The following ARNT2 variants were observed in gnomAD, a reference collection of about 807,000 sequenced individuals.
ARNT2 encodes aryl hydrocarbon receptor nuclear translocator 2.
A neutral mutation model predicts 91.7 loss-of-function variants in ARNT2; 36 were observed. The observed-to-expected ratio is 0.39, with a 90% CI of 0.30 to 0.52. ARNT2 has a LOEUF of 0.52. Ranked by LOEUF, ARNT2 falls within the 20% of genes least tolerant of loss-of-function variation. The probability of loss-of-function intolerance (pLI) is 0.72; values close to 1 mark genes in which losing one functional copy is unlikely to be tolerated. For synonymous variants in ARNT2, 365 were observed against 347.1 expected, an observed-to-expected ratio of 1.05 and a Z score of -0.57; for missense variants, 775 against 939.3, an observed-to-expected ratio of 0.83 and a Z score of 2.29.
intron 3 of ARNT2, among the ~76,000 whole-genome samples, chr15:80,467,755 C>A (rs1320803904): frequency 2.0e-5 from 3 of 152,146 alleles, no homozygotes; most frequent in African/African-American, 7.2e-5. Context: ...GGGGCTCACC[C>A]TCCTCTGAGA....
intron 4 of ARNT2, among the ~76,000 whole-genome samples, chr15:80,472,214 A>G (rs1481144206): frequency 6.6e-6 from 1 of 152,190 alleles, no homozygotes; most frequent in Non-Finnish European, 1.5e-5. Flanking sequence ...GGAGGATTTA[A>G]CAAGACACAG....
chr15:80,571,573 G>A (rs1369675655), intron 12 of ARNT2, among the ~76,000 whole-genome samples: 2 of 152,220 alleles, frequency 1.3e-5, no homozygotes, highest in African/African-American at 2.4e-5. Flanking sequence ...TCCTGGTTAA[G>A]TTTGGCCAGT....
At chr15:80,467,078 G>A (rs571264105) in intron 3 of ARNT2, among the ~76,000 whole-genome samples, 1 of 152,350 alleles carries the variant, frequency 6.6e-6, no homozygotes, top group South Asian at 2.1e-4. Context: ...TGAAGCAGTG[G>A]TCACAGTGAC....
chr15:80,428,853 G>A (rs765680626), intron 1 of ARNT2, among the ~76,000 whole-genome samples: 4 of 152,156 alleles, frequency 2.6e-5, no homozygotes, highest in East Asian at 1.9e-4. Flanking sequence ...ATAATTTTGC[G>A]ATGTGTAATG....
chr15:80,405,358 A>T (rs1895583836), intron 1 of ARNT2, among the ~76,000 whole-genome samples: 2 of 152,132 alleles, frequency 1.3e-5, no homozygotes, highest in South Asian at 2.1e-4. Context: ...GCTAGTACAA[A>T]CTTTTGGGTG....
At chr15:80,415,691 C>T (rs1895770825) in intron 1 of ARNT2, among the ~76,000 whole-genome samples, 1 of 152,092 alleles carries the variant, frequency 6.6e-6, no homozygotes, top group Non-Finnish European at 1.5e-5. Context: ...CTTTCAGATA[C>T]TTAGGAGGAG....
Position 80,440,654 on chromosome 15 carries a change from C to T in ARNT2, c.32-10226C>T, listed in dbSNP as rs544368326. 4.6e-5 allele frequency among the ~76,000 whole-genome samples: 7 copies of T among 152,260 alleles called. No homozygotes were observed. The South Asian group carries it at 8.3e-4, about 18-fold the overall frequency. ...CTGCCTTGGGACTGGTTTCAATTCC[C>T]TAATGCCAAAACCTGCCTGCCTACT... On this transcript the variant is annotated intron_variant, in intron 1 of 18. Transcript: ENST00000303329.
At chr15:80,561,933 T>C (rs1396213936) in intron 11 of ARNT2, among the ~76,000 whole-genome samples, 1 of 152,192 alleles carries the variant, frequency 6.6e-6, no homozygotes, top group Non-Finnish European at 1.5e-5. Context: ...TTATAAACTT[T>C]ATCATAGGTG....
At chr15:80,563,297 G>A in intron 12 of ARNT2, 58 bp downstream of exon 12, 1 of 1,599,310 alleles carries the variant, frequency 6.3e-7, no homozygotes, top group Non-Finnish European at 8.6e-7. Context: ...TGGGTCCAGA[G>A]CTGGCAATTT....
At chr15:80,479,598 C>A (rs1389666421) in intron 5 of ARNT2, among the ~76,000 whole-genome samples, 1 of 152,182 alleles carries the variant, frequency 6.6e-6, no homozygotes, top group Non-Finnish European at 1.5e-5. Context: ...CAGGAAGTTT[C>A]TAAGGCTCCT....
intron 1 of ARNT2, among the ~76,000 whole-genome samples, chr15:80,423,064 G>C (rs954411561): frequency 6.6e-6 from 1 of 152,130 alleles, no homozygotes; most frequent in African/African-American, 2.4e-5. Context: ...GCATATTTCA[G>C]CTCTGTCACT....
chr15:80,521,878 G>A (rs1049040558), intron 8 of ARNT2, among the ~76,000 whole-genome samples: 3 of 152,066 alleles, frequency 2.0e-5, no homozygotes, highest in Non-Finnish European at 2.9e-5. Context: ...TTAGGATAAT[G>A]ATCCAAGTCC....
chr15:80,588,234 A>G (rs1490300215), intron 17 of ARNT2, among the ~76,000 whole-genome samples: 1 of 152,124 alleles, frequency 6.6e-6, no homozygotes. Context: ...ACAGTCAGTA[A>G]TCAATCAACA....
chr15:80,540,711 A>G (rs1390779711), intron 8 of ARNT2, among the ~76,000 whole-genome samples: 1 of 151,868 alleles, frequency 6.6e-6, no homozygotes, highest in Non-Finnish European at 1.5e-5. Flanking sequence ...TGAGTACCCA[A>G]TGTTTAGTTC....
chr15:80,486,803 A>G (rs1896981900), intron 5 of ARNT2, among the ~76,000 whole-genome samples: 1 of 152,196 alleles, frequency 6.6e-6, no homozygotes, highest in Non-Finnish European at 1.5e-5. Flanking sequence ...CAGCAGAGGT[A>G]CAGCCCTAGG....
intron 5 of ARNT2, among the ~76,000 whole-genome samples, chr15:80,487,063 C>G (rs372176255): frequency 1.3e-5 from 2 of 152,236 alleles, no homozygotes; most frequent in East Asian, 1.9e-4. Flanking sequence ...CCTCTCCACA[C>G]CTCCCTGATA....
At position 80,513,932 on chromosome 15, in the gene ARNT2, C is replaced by T. The variant is rs1897385212; in HGVS notation, c.747C>T (p.Asp249=). ...CRMRCGNAPL[D]HLPLNRITTM... is the part of the protein sequence containing the mutation. Reference sequence around the variant, plus strand: ...TTAGGTGTGGAAATGCTCCTTTGGACCACCTTCCTCTAAACAGAATAACCA... The same window carrying T: ...TTAGGTGTGGAAATGCTCCTTTGGATCACCTTCCTCTAAACAGAATAACCA... The change falls in exon 7 of 19, where the codon GAC becomes GAT. Residue 249 remains aspartate, a synonymous_variant. Coordinates refer to ENST00000303329, the MANE Select transcript of ARNT2 (RefSeq NM_014862.4). The T allele has an allele frequency of 6.2e-7, 1 of 1,613,660 alleles. No individual in the cohort carries two copies. The highest frequency in any genetic ancestry group is 8.5e-7 in the Non-Finnish European group (1 of 1,179,640).
chr15:80,588,495 G>T (rs942142036), intron 17 of ARNT2, among the ~76,000 whole-genome samples: 2 of 151,906 alleles, frequency 1.3e-5, no homozygotes, highest in African/African-American at 2.4e-5. Flanking sequence ...AAAACCTTCA[G>T]TGTTTCTCTG....
rs971118730 is a variant in ARNT2, at chr15:80,595,929, T to G, written c.*2231T>G. 6.6e-6 allele frequency: 1 copy of G among 152,238 alleles called. No homozygotes were observed. Among genetic ancestry groups the G allele is most frequent in the Non-Finnish European group, 1.5e-5 (1 of 68,040 alleles). The allele number at this position is 152,238 out of a possible 1,614,324, so 9.4% of individuals were successfully genotyped here. On this transcript the variant is annotated 3_prime_UTR_variant, in exon 19 of 19. Transcript: ENST00000303329. ...ATAGGTTTTGGATCAAAGAAGTGTT[T>G]CTCAGTGAAATGAAAACAGTCTTTT...
Sources: allele counts gnomAD v4.1 joint callset (sites outside exome capture counted in the v4.1 genomes callset), GRCh38; gene constraint gnomAD v4.1.1; transcripts MANE v1.5; gene names NCBI Gene and HGNC (gene_info 2026-07-23, HGNC 2026-07-21).